The following CCKAR variants were observed in gnomAD, a reference collection of about 807,000 sequenced individuals.
CCKAR encodes cholecystokinin A receptor.
In CCKAR, 21 loss-of-function variants were observed where a neutral mutation model predicts 29.8. The observed-to-expected ratio is 0.70, with a 90% CI of 0.50 to 1.01. CCKAR has a LOEUF of 1.01. Among genes scored for constraint, CCKAR ranks in the 50% least tolerant of loss-of-function variants. CCKAR has a pLI of 0.00. For missense variants in CCKAR, 570 were observed against 560.6 expected (o/e 1.02, Z -0.17); for synonymous variants, 238 against 221.3 (o/e 1.08, Z -0.67).
At chr4:26,490,093 T>C in intron 1 of CCKAR, 63 bp downstream of exon 1, 1 of 1,037,620 alleles carries the variant, frequency 9.6e-7, no homozygotes, top group Non-Finnish European at 1.5e-6. Flanking sequence ...CAGCCTTGCC[T>C]TTGCTGATTT....
At chr4:26,489,707 G>A (rs943464063) in intron 1 of CCKAR, among the ~76,000 whole-genome samples, 2 of 152,164 alleles carry the variant, frequency 1.3e-5, no homozygotes, top group African/African-American at 4.8e-5. Context: ...ATCACTCAGG[G>A]AACCACTTTT....
rs1469706066 is a variant in CCKAR, at chr4:26,490,346, C to G, written c.-79G>C. The G allele has an allele frequency of 1.0e-6, 1 of 967,152 alleles. No individual in the cohort carries two copies. The highest frequency in any genetic ancestry group is 1.6e-6 in the Non-Finnish European group (1 of 607,054). 59.9% of individuals were successfully genotyped at this position (967,152 alleles called of 1,614,324 possible). On this transcript the variant is annotated 5_prime_UTR_variant, in exon 1 of 5. Coordinates refer to ENST00000295589, the MANE Select transcript of CCKAR (RefSeq NM_000730.3). Reference sequence around the variant, plus strand: ...CGGCTCATTCCTCTAATGACCGAAGCGTCTCGCAGATGCAACCTGCCGTGG... The same window carrying G: ...CGGCTCATTCCTCTAATGACCGAAGGGTCTCGCAGATGCAACCTGCCGTGG...
chr4:26,489,413 C>T lies in CCKAR; in HGVS notation c.184G>A (p.Val62Ile), dbSNP rs1418857810. The T allele has an allele frequency of 1.2e-6, 2 of 1,614,096 alleles. No individual in the cohort carries two copies. Among genetic ancestry groups the T allele is most frequent in the East Asian group, 2.2e-5 (1 of 44,868 alleles). ...TTGTTCCGAATCAGCACGGTGATGA[C>T]CAGCGTGTTTCCCAGCACGCTGAGC... ...FLLSVLGNTL[V>I]ITVLIRNKRM... is the part of the protein sequence containing the mutation. Residue 62 changes from valine (V) to isoleucine (I), a missense_variant, in exon 2 of 5, where the codon GTC becomes ATC. By Grantham distance (29) the Val-to-Ile change is conservative (BLOSUM62 3). Coordinates refer to ENST00000295589, the MANE Select transcript of CCKAR (RefSeq NM_000730.3).
intron 4 of CCKAR, 31 bp downstream of exon 4, chr4:26,483,125 T>C: frequency 6.2e-7 from 1 of 1,605,366 alleles, no homozygotes; most frequent in Non-Finnish European, 8.5e-7. Context: ...TGTGCTCATT[T>C]GGCATAAACA....
rs200460922 is a variant in CCKAR at position 26,482,180 on chromosome 4, C to T, written c.755-10G>A. The T allele has an allele frequency of 4.4e-6, 7 of 1,596,420 alleles. No individual in the cohort carries two copies. The highest frequency in any genetic ancestry group is 3.4e-5 in the Admixed American group (2 of 58,818). ...GTGCTAGGTTTCCTTTCTGGGTGGG[C>T]AAGAGACATCACTCATTGCTGGGGA... On this transcript the variant is annotated splice_polypyrimidine_tract_variant and intron_variant, in intron 4 of 4. Transcript: ENST00000295589.
intron 3 of CCKAR, among the ~76,000 whole-genome samples, chr4:26,485,266 C>T (rs1252619294): frequency 6.6e-6 from 1 of 151,866 alleles, no homozygotes; most frequent in East Asian, 1.9e-4. Flanking sequence ...CCCTCCACTA[C>T]AGCATTTAGA....
At chr4:26,489,158 TC>T in intron 2 of CCKAR, 74 bp downstream of exon 2, 3 of 1,577,238 alleles carry the variant, frequency 1.9e-6, no homozygotes, top group Non-Finnish European at 2.6e-6. Context: ...GCTGTGATTG[TC>T]AGAGGTTTGG....
rs1374585745 is a variant in CCKAR at position 26,481,405 on chromosome 4, A to G, written c.*233T>C. On this transcript the variant is annotated 3_prime_UTR_variant, in exon 5 of 5. Coordinates refer to ENST00000295589, the MANE Select transcript of CCKAR (RefSeq NM_000730.3). ...GCCTGCTGAGGATTTTCTGATGGTG[A>G]GTGTTACTTAACATATCCTGCTTTG... The G allele has an allele frequency of 3.5e-6, 2 of 573,558 alleles. No homozygotes were observed. The highest frequency in any genetic ancestry group is 6.2e-6 in the Non-Finnish European group (2 of 324,812). 35.5% of individuals were successfully genotyped at this position (573,558 alleles called of 1,614,324 possible). A position where few individuals can be genotyped will look rare whatever the true frequency, so the allele number is the denominator to read the frequency against.
chr4:26,483,333 C>T (rs1306228913), intron 3 of CCKAR, 50 bp from the exon 4 acceptor site: 1 of 1,588,742 alleles, frequency 6.3e-7, no homozygotes, highest in South Asian at 1.1e-5. Context: ...GACCTTCAAA[C>T]TCAAATGGGA....
Position 26,489,381 on chromosome 4 carries a change from C to A in CCKAR, c.216G>T (p.Met72Ile), listed in dbSNP as rs1225868968. ...GGAGGAAGATGTTGGTGACCGTCCG[C>A]ATCCGCTTGTTCCGAATCAGCACGG... ...VITVLIRNKRMRTVTNIFLLS... is the reference protein window; with the variant it reads ...VITVLIRNKRIRTVTNIFLLS... Residue 72 changes from methionine to isoleucine, a missense_variant, in exon 2 of 5, where the codon ATG becomes ATT. Transcript: ENST00000295589. 6.2e-7 allele frequency: 1 copy of A among 1,614,188 alleles called. No homozygotes were observed. The highest frequency in any genetic ancestry group is 1.3e-5 in the African/African-American group (1 of 75,052).
At chr4:26,490,131 T>G (rs756797239) in intron 1 of CCKAR, 25 bp downstream of exon 1, 89 of 1,490,942 alleles carry the variant, frequency 6.0e-5, no homozygotes, top group Non-Finnish European at 8.2e-5. Context: ...TTTCCTGAAT[T>G]AAAATAACAG....
intron 2 of CCKAR, among the ~76,000 whole-genome samples, chr4:26,488,958 A>T (rs1737499178): frequency 6.6e-6 from 1 of 152,194 alleles, no homozygotes; most frequent in Non-Finnish European, 1.5e-5. Flanking sequence ...AAATAGAAGC[A>T]AGCAAAATCA....
chr4:26,489,532 C>T (rs773422614), intron 1 of CCKAR, 48 bp from the exon 2 acceptor site: 2 of 1,602,392 alleles, frequency 1.2e-6, no homozygotes, highest in Non-Finnish European at 1.7e-6. Flanking sequence ...GTGATGACAG[C>T]AGAATGCTAA....
intron 2 of CCKAR, 23 bp downstream of exon 2, chr4:26,489,210 A>T: frequency 6.2e-7 from 1 of 1,613,340 alleles, no homozygotes; most frequent in African/African-American, 1.3e-5. Flanking sequence ...AAGCTCCAGA[A>T]AGAGTCACCA....
intron 1 of CCKAR, among the ~76,000 whole-genome samples, chr4:26,489,808 T>C (rs902789502): frequency 3.9e-5 from 6 of 152,078 alleles, no homozygotes; most frequent in Admixed American, 1.3e-4. Context: ...ATGCTGGGTT[T>C]CCCCCCAAGA....
At chr4:26,484,556 A>G (rs1737410350) in intron 3 of CCKAR, among the ~76,000 whole-genome samples, 1 of 152,214 alleles carries the variant, frequency 6.6e-6, no homozygotes, top group Non-Finnish European at 1.5e-5. Context: ...CTCCTTATAG[A>G]GATAAGGAAC....
chr4:26,489,252 C>A lies in CCKAR; in HGVS notation c.345G>T (p.Lys115Asn), dbSNP rs1264009709. 6.2e-7 allele frequency: 1 copy of A among 1,613,958 alleles called. No individual in the cohort carries two copies. Among genetic ancestry groups the A allele is most frequent in the African/African-American group, 1.3e-5 (1 of 74,898 alleles). The change falls in exon 2 of 5, where the codon AAG becomes AAT. Residue 115 changes from lysine (K) to asparagine (N), a missense_variant. Transcript: ENST00000295589. ...ACTTACCCATGAAGTAGGTGGTGGTCTTGCAAACGGCGCTCCCGAAGATGA... is the reference window on the plus strand; with the variant it reads ...ACTTACCCATGAAGTAGGTGGTGGTATTGCAAACGGCGCTCCCGAAGATGA... ...KDFIFGSAVC[K>N]TTTYFMGTSV...
intron 2 of CCKAR, among the ~76,000 whole-genome samples, chr4:26,488,104 T>C: frequency 6.6e-6 from 1 of 152,206 alleles, no homozygotes; most frequent in Non-Finnish European, 1.5e-5. Flanking sequence ...GTTCTGCATA[T>C]TCTGCAAGGC....
intron 2 of CCKAR, 36 bp downstream of exon 2, chr4:26,489,197 G>T: frequency 1.2e-6 from 2 of 1,612,196 alleles, no homozygotes; most frequent in Non-Finnish European, 1.7e-6. Context: ...TGGGGTCTGG[G>T]GCAAGCTCCA....
Sources: allele counts gnomAD v4.1 joint callset (sites outside exome capture counted in the v4.1 genomes callset), GRCh38; gene constraint gnomAD v4.1.1; transcripts MANE v1.5; gene names NCBI Gene and HGNC (gene_info 2026-07-23, HGNC 2026-07-21).